The following SEMA5A variants were observed in gnomAD, a reference collection of about 807,000 sequenced individuals.
SEMA5A encodes the protein semaphorin 5A.
A neutral mutation model predicts 135.5 loss-of-function variants in SEMA5A; 55 were observed. That is an observed-to-expected ratio of 0.41 (90% CI 0.33 to 0.51). The LOEUF (loss-of-function observed/expected upper bound fraction) is 0.51. Ranked by LOEUF, SEMA5A falls within the 20% of genes least tolerant of loss-of-function variation. The pLI, the probability that SEMA5A is intolerant of heterozygous loss-of-function variation, is 0.37. For synonymous variants in SEMA5A, 580 were observed against 546.5 expected, an observed-to-expected ratio of 1.06 and a Z score of -0.85; for missense variants, 1,290 against 1,419.9, an observed-to-expected ratio of 0.91 and a Z score of 1.47.
chr5:9,335,958 G>T (rs573174364), intron 4 of SEMA5A, among the ~76,000 whole-genome samples: 1 of 152,168 alleles, frequency 6.6e-6, no homozygotes, highest in African/African-American at 2.4e-5. Context: ...AGGGTGACTT[G>T]TCAAGAAATA....
chr5:9,230,357 G>C (rs1747561504), intron 6 of SEMA5A, among the ~76,000 whole-genome samples: 1 of 151,934 alleles, frequency 6.6e-6, no homozygotes. Flanking sequence ...CCAGCATGTT[G>C]GTCAGAATGT....
chr5:9,489,738 T>C (rs1734910715), intron 1 of SEMA5A, among the ~76,000 whole-genome samples: 1 of 152,182 alleles, frequency 6.6e-6, no homozygotes, highest in South Asian at 2.1e-4. Flanking sequence ...ATATAAATTG[T>C]CAGTGGATAG....
chr5:9,465,951 G>C (rs1270395082), intron 1 of SEMA5A, among the ~76,000 whole-genome samples: 1 of 152,230 alleles, frequency 6.6e-6, no homozygotes, highest in Non-Finnish European at 1.5e-5. Context: ...GAACTTCAGA[G>C]AGACGTCCAG....
At chr5:9,093,899 G>C (rs1739176791) in intron 16 of SEMA5A, among the ~76,000 whole-genome samples, 1 of 152,102 alleles carries the variant, frequency 6.6e-6, no homozygotes, top group South Asian at 2.1e-4. Flanking sequence ...CCTGCACACA[G>C]AGACTTTCAG....
At chr5:9,227,179 G>T (rs915803967) in intron 6 of SEMA5A, among the ~76,000 whole-genome samples, 1 of 151,992 alleles carries the variant, frequency 6.6e-6, no homozygotes, top group Non-Finnish European at 1.5e-5. Flanking sequence ...TAAACAATTT[G>T]ATTTTTATCA....
chr5:9,320,960 T>C (rs935570148), intron 4 of SEMA5A, among the ~76,000 whole-genome samples: 1 of 152,184 alleles, frequency 6.6e-6, no homozygotes, highest in Non-Finnish European at 1.5e-5. Context: ...AGTTTGGCTG[T>C]GTCCCCACCC....
intron 5 of SEMA5A, among the ~76,000 whole-genome samples, chr5:9,312,621 C>T: frequency 6.6e-6 from 1 of 152,110 alleles, no homozygotes; most frequent in East Asian, 1.9e-4. Context: ...AAGAGATTTA[C>T]CTCATACAGA....
chr5:9,093,440 A>T (rs1055081188), intron 16 of SEMA5A, among the ~76,000 whole-genome samples: 2 of 152,330 alleles, frequency 1.3e-5, no homozygotes, highest in African/African-American at 4.8e-5. Context: ...CGGGCGTGGT[A>T]GCTCATGCCT....
intron 11 of SEMA5A, among the ~76,000 whole-genome samples, chr5:9,173,774 A>T (rs1744057303): frequency 6.6e-6 from 1 of 152,208 alleles, no homozygotes; most frequent in Non-Finnish European, 1.5e-5. Flanking sequence ...TCTCGTTAAC[A>T]CATTGCATGT....
At chr5:9,045,793 A>G (rs530420329) in intron 21 of SEMA5A, 3 of 152,226 alleles carry the variant, frequency 2.0e-5, no homozygotes, top group Admixed American at 2.0e-4. Context: ...CTGTCTCATT[A>G]TTTTCCTGCA....
chr5:9,326,601 G>A lies in SEMA5A; in HGVS notation c.225-8184C>T, dbSNP rs866852170. Among the ~76,000 whole-genome samples, 7 of 152,038 alleles carry A rather than the reference G, an allele frequency of 4.6e-5. No individual in the cohort carries two copies. In the East Asian group the frequency reaches 1.2e-3, roughly 26 times the overall value. Reference sequence around the variant, plus strand: ...TCGAGACTAGCCTGGCCAACATGGCGGGAACCTACCCCTACTAAATATACA... The same window carrying A: ...TCGAGACTAGCCTGGCCAACATGGCAGGAACCTACCCCTACTAAATATACA... On this transcript the variant is annotated intron_variant, in intron 4 of 22. Transcript: ENST00000382496.
chr5:9,352,156 AAT>A (rs1166572495), intron 3 of SEMA5A, among the ~76,000 whole-genome samples: 1 of 151,440 alleles, frequency 6.6e-6, no homozygotes, highest in Non-Finnish European at 1.5e-5. Flanking sequence ...TATCTAGTGA[AAT>A]AGTCTTCAAT....
rs1458124199 is a variant in SEMA5A at position 9,102,730 on chromosome 5, G to A, written c.2073+5410C>T. On this transcript the variant is annotated intron_variant, in intron 16 of 22. Transcript: ENST00000382496. ...ACAATACAATTATTAAAATTTATAC[G>A]AAAATATTTACAATAAGCAGTGGTT... Among the ~76,000 whole-genome samples, 17 of 152,120 alleles carry A rather than the reference G, an allele frequency of 1.1e-4. No homozygotes were observed. In the South Asian group the frequency reaches 2.5e-3, roughly 22 times the overall value.
At chr5:9,480,184 C>T (rs3822805) in intron 1 of SEMA5A, among the ~76,000 whole-genome samples, 31,562 of 152,034 alleles carry the variant, frequency 0.21, 3,482 homozygotes, top group East Asian at 0.34. Flanking sequence ...CTAGACATTG[C>T]CAGATGTCCC....
At chr5:9,535,950 T>C (rs1737742311) in intron 1 of SEMA5A, among the ~76,000 whole-genome samples, 1 of 152,126 alleles carries the variant, frequency 6.6e-6, no homozygotes, top group Admixed American at 6.5e-5. Context: ...CTGACTTAGA[T>C]GTGGTCCTGT....
chr5:9,516,021 C>A (rs1448104167), intron 1 of SEMA5A, among the ~76,000 whole-genome samples: 1 of 152,166 alleles, frequency 6.6e-6, no homozygotes, highest in African/African-American at 2.4e-5. Context: ...AAAACAATCT[C>A]TTTTTATTGA....
intron 3 of SEMA5A, among the ~76,000 whole-genome samples, chr5:9,361,919 C>T (rs1488881533): frequency 6.6e-6 from 1 of 152,162 alleles, no homozygotes; most frequent in East Asian, 1.9e-4. Flanking sequence ...GAGAACACTG[C>T]CATGGGCATG....
At chr5:9,146,359 AC>A (rs1742334341) in intron 12 of SEMA5A, among the ~76,000 whole-genome samples, 1 of 152,212 alleles carries the variant, frequency 6.6e-6, no homozygotes, top group Admixed American at 6.5e-5. Context: ...GTGCTTTATT[AC>A]ATTTTTGTTG....
chr5:9,378,119 G>C (rs1368889489), intron 3 of SEMA5A, among the ~76,000 whole-genome samples: 2 of 151,800 alleles, frequency 1.3e-5, no homozygotes, highest in Non-Finnish European at 2.9e-5. Context: ...ATAAGAAAAA[G>C]GCAAACATAA....
Sources: allele counts gnomAD v4.1 joint callset (sites outside exome capture counted in the v4.1 genomes callset), GRCh38; gene constraint gnomAD v4.1.1; transcripts MANE v1.5; gene names NCBI Gene and HGNC (gene_info 2026-07-23, HGNC 2026-07-21).